Variants in AGA observed in about 807,000 individuals in gnomAD.
AGA encodes N(4)-(beta-N-acetylglucosaminyl)-L-asparaginase.
In AGA, 31 loss-of-function variants were observed where a neutral mutation model predicts 40.1. That is an observed-to-expected ratio of 0.77 (90% CI 0.58 to 1.04). The LOEUF (loss-of-function observed/expected upper bound fraction) is 1.04, where lower values mean the gene tolerates loss of function less well. Ranked by LOEUF, AGA falls within the 50% of genes least tolerant of loss-of-function variation. AGA has a pLI of 0.00. For missense variants in AGA, 445 were observed against 435.4 expected (o/e 1.02, Z -0.20); for synonymous variants, 148 against 144.0 (o/e 1.03, Z -0.20).
In AGA at chr4:177,433,224, A is replaced by T; in HGVS notation, c.930T>A (p.Thr310=). The T allele has an allele frequency of 6.2e-7, 1 of 1,614,094 alleles. No homozygotes were observed. Among genetic ancestry groups the T allele is most frequent in the Non-Finnish European group, 8.5e-7 (1 of 1,179,984 alleles). The change falls in exon 8 of 9, where the codon ACT becomes ACA. Residue 310 remains threonine, a synonymous_variant. Transcript: ENST00000264595. ...FFGAVICANV[T]GSYGAACNKL... ...CCAAACACAACTTACCGTAACTTCCAGTCACATTGGCACATATAACAGCCC... is the reference window on the plus strand; with the variant it reads ...CCAAACACAACTTACCGTAACTTCCTGTCACATTGGCACATATAACAGCCC...
At chr4:177,437,003 G>T in intron 5 of AGA, 1 of 243,792 alleles carries the variant, frequency 4.1e-6, no homozygotes, top group Non-Finnish European at 8.0e-6. Flanking sequence ...AGAACTGTGA[G>T]GCAAATAAAC....
At chr4:177,439,785 A>C in intron 2 of AGA, 97 bp from the exon 3 acceptor site, 4 of 890,364 alleles carry the variant, frequency 4.5e-6, no homozygotes, top group Non-Finnish European at 7.6e-6. Flanking sequence ...TTTTGCGGTT[A>C]AACTCCACCA....
At chr4:177,435,801 CACAT>C (rs879664862) in intron 6 of AGA, among the ~76,000 whole-genome samples, 3 of 151,240 alleles carry the variant, frequency 2.0e-5, no homozygotes, top group Non-Finnish European at 3.0e-5. Flanking sequence ...CGCACACGCA[CACAT>C]ACACACACAC....
intron 2 of AGA, 172 bp downstream of exon 2, chr4:177,440,099 ACT>A: frequency 2.7e-6 from 2 of 731,140 alleles, no homozygotes; most frequent in Non-Finnish European, 4.6e-6. Context: ...TATTTCTATT[ACT>A]CTGATTTTTT....
In AGA at chr4:177,442,256, G is replaced by A. The variant is rs1560952259; in HGVS notation, c.120C>T (p.Thr40=). The change falls in exon 1 of 9, where the codon ACC becomes ACT. Residue 40 remains threonine, a synonymous_variant. Transcript: ENST00000264595. ...VVNTWPFKNA[T]EAAWRALASG... is the part of the protein sequence containing the mutation. ...CAGGCCGCCAACCCGCACCTGCTTC[G>A]GTTGCATTCTTAAAGGGCCAAGTGT... is the stretch of plus-strand genomic sequence containing the variant. The A allele has an allele frequency of 6.2e-7, 1 of 1,613,886 alleles. No homozygotes were observed. The highest frequency in any genetic ancestry group is 8.5e-7 in the Non-Finnish European group (1 of 1,179,884).
chr4:177,436,183 T>G, intron 6 of AGA, 93 bp downstream of exon 6: 1 of 1,010,634 alleles, frequency 9.9e-7, no homozygotes, highest in Non-Finnish European at 1.6e-6. Context: ...GCTGTGAGAC[T>G]AGGGCTGTGC....
In AGA at chr4:177,431,306, ACT is replaced by A. The variant is rs1221433252; in HGVS notation, c.*400_*401del. 1.1e-5 allele frequency: 5 copies of A among 447,808 alleles called. No homozygotes were observed. The highest frequency in any genetic ancestry group is 8.0e-5 in the African/African-American group (4 of 49,770). 27.7% of individuals were successfully genotyped at this position (447,808 alleles called of 1,614,324 possible). ...TTCAATCAGGACTGATCATGCTGAG[ACT>A]CTGCTGTTTTTTTCTTTGGGTCTAA... On this transcript the variant is annotated 3_prime_UTR_variant, in exon 9 of 9. Transcript: ENST00000264595.
At chr4:177,440,566 G>T in intron 1 of AGA, 140 bp from the exon 2 acceptor site, 2 of 916,630 alleles carry the variant, frequency 2.2e-6, no homozygotes, top group Non-Finnish European at 3.2e-6. Context: ...TTTATCAAGT[G>T]TTACAAAGGA....
intron 4 of AGA, among the ~76,000 whole-genome samples, chr4:177,438,193 T>C (rs1286273478): frequency 6.6e-6 from 1 of 152,150 alleles, no homozygotes; most frequent in Non-Finnish European, 1.5e-5. Context: ...TCTGACTTGA[T>C]GGCTACTCGA....
chr4:177,438,675 A>G (rs1248806744), intron 4 of AGA, 70 bp downstream of exon 4: 1 of 1,061,388 alleles, frequency 9.4e-7, no homozygotes, highest in Non-Finnish European at 1.4e-6. Flanking sequence ...CAGGCAGGCA[A>G]CACTGAGCAG....
intron 1 of AGA, among the ~76,000 whole-genome samples, chr4:177,441,192 G>A (rs531385105): frequency 3.3e-5 from 5 of 151,966 alleles, no homozygotes. Context: ...GTGTATTTAC[G>A]CAAGTTCCCT....
chr4:177,434,368 C>CT lies in AGA; in HGVS notation c.806+13dup, dbSNP rs1560946594. On this transcript the variant is annotated intron_variant, in intron 7 of 8. Transcript: ENST00000264595. ...TCCAAAGGTCTCTAAAATTCACAAA[C>CT]TAAGAAGTCATACCTTGGCAGGAAG... 6.2e-7 allele frequency: 1 copy of CT among 1,610,612 alleles called. No individual in the cohort carries two copies. Among genetic ancestry groups the CT allele is most frequent in the Admixed American group, 1.7e-5 (1 of 59,970 alleles).
Position 177,438,846 on chromosome 4 carries a change from C to T in AGA, c.406G>A (p.Ala136Thr). 1.3e-6 allele frequency: 2 copies of T among 1,582,342 alleles called. No homozygotes were observed. The highest frequency in any genetic ancestry group is 4.5e-5 in the East Asian group (2 of 44,732). The change falls in exon 4 of 9, where the codon GCT (alanine) becomes ACT (threonine). Residue 136 changes from alanine to threonine, a missense_variant. Coordinates refer to ENST00000264595, the MANE Select transcript of AGA (RefSeq NM_000027.4). ...TCATTGATAAACCCCATACTTTGAG[C>T]AAATGTGGTGGCTGGAGATTGGAAA... ...LLVGESATTF[A>T]QSMGFINEDL...
intron 7 of AGA, 74 bp downstream of exon 7, chr4:177,434,308 A>G: frequency 7.0e-7 from 1 of 1,436,358 alleles, no homozygotes; most frequent in Non-Finnish European, 9.8e-7. Context: ...CAGCCTCAAA[A>G]ATTATTTTCT....
At position 177,442,235 on chromosome 4, in the gene AGA, C is replaced by A. The variant is rs772131486; in HGVS notation, c.127+14G>T. ...CTCGCGGCGCAGCCGCCCGCCCAGG[C>A]CGCCAACCCGCACCTGCTTCGGTTG... On this transcript the variant is annotated intron_variant, in intron 1 of 8. Coordinates refer to ENST00000264595, the MANE Select transcript of AGA (RefSeq NM_000027.4). 3.1e-6 allele frequency: 5 copies of A among 1,613,074 alleles called. No homozygotes were observed. The highest frequency in any genetic ancestry group is 3.4e-6 in the Non-Finnish European group (4 of 1,179,674).
intron 1 of AGA, 96 bp downstream of exon 1, chr4:177,442,153 C>G: frequency 6.4e-7 from 1 of 1,553,792 alleles, no homozygotes; most frequent in Non-Finnish European, 8.7e-7. Flanking sequence ...GGCGCTCTTC[C>G]GTCCGCCCTG....
intron 1 of AGA, among the ~76,000 whole-genome samples, chr4:177,441,200 C>G (rs1256629943): frequency 6.6e-6 from 1 of 152,090 alleles, no homozygotes; most frequent in African/African-American, 2.4e-5. Context: ...ACGCAAGTTC[C>G]CTCTTTCAAT....
chr4:177,442,316 T>C lies in AGA; in HGVS notation c.60A>G (p.Leu20=), dbSNP rs114918706. The change falls in exon 1 of 9, where the codon CTA becomes CTG. Residue 20 remains leucine (L), a synonymous_variant. Transcript: ENST00000264595. ...LLVPFLLCQA[L]VRCSSPLPLV... ...GGGGCAGAGGGCTGGAGCAGCGCAC[T>C]AGGGCCTGGCAGAGCAGAAACGGCA... 9.4e-4 allele frequency: 1,523 copies of C among 1,614,058 alleles called. 8 individuals carry two copies. The African/African-American group carries it at 0.014, about 15-fold the overall frequency.
chr4:177,436,664 C>T (rs1736832316), intron 5 of AGA, among the ~76,000 whole-genome samples: 1 of 152,342 alleles, frequency 6.6e-6, no homozygotes, highest in South Asian at 2.1e-4. Context: ...AACAAGCTGT[C>T]TCCAAACTCT....
Sources: allele counts gnomAD v4.1 joint callset (sites outside exome capture counted in the v4.1 genomes callset), GRCh38; gene constraint gnomAD v4.1.1; transcripts MANE v1.5; gene names NCBI Gene and HGNC (gene_info 2026-07-23, HGNC 2026-07-21).